The following BEST1 variants were observed in gnomAD, a reference collection of about 807,000 sequenced individuals.
The protein encoded by BEST1 is bestrophin-1.
In BEST1, 58 loss-of-function variants were observed where a neutral mutation model predicts 63.3. That is an observed-to-expected ratio of 0.92 (90% CI 0.74 to 1.14). The LOEUF is 1.14. Ranked by LOEUF, BEST1 falls within the 50% of genes most tolerant of loss-of-function variation. The probability of loss-of-function intolerance (pLI) is 0.00; values close to 1 mark genes in which losing one functional copy is unlikely to be tolerated. For missense variants in BEST1, 671 were observed against 740.1 expected (o/e 0.91, Z 1.08); for synonymous variants, 283 against 291.6 (o/e 0.97, Z 0.30).
chr11:61,959,578 G>T lies in BEST1; in HGVS notation c.948G>T (p.Gln316His), dbSNP rs1347134318. ...ACTGGATTGTCGACAGGAATTTGCA[G>T]GTATGGGGAGAGGGAGAGAAACCAT... ...ETNWIVDRNLQVSLLAVDEMH... is the reference protein window; with the variant it reads ...ETNWIVDRNLHVSLLAVDEMH... The change falls in exon 8 of 11, where the codon CAG (glutamine) becomes CAT (histidine). Residue 316 changes from glutamine (Q) to histidine (H), a missense_variant and splice_region_variant. Coordinates refer to ENST00000378043, the MANE Select transcript of BEST1 (RefSeq NM_004183.4). 2 of 1,614,014 alleles carry T rather than the reference G, an allele frequency of 1.2e-6. No homozygotes were observed. Among genetic ancestry groups the T allele is most frequent in the Admixed American group, 3.3e-5 (2 of 59,998 alleles).
intron 2 of BEST1, among the ~76,000 whole-genome samples, chr11:61,952,305 G>C (rs181639421): frequency 6.2e-4 from 1 of 1,622 alleles, no homozygotes; most frequent in Non-Finnish European, 1.9e-3. Flanking sequence ...CATTAAAAAA[G>C]AGAGAGAGAG....
chr11:61,955,147 CTG>C lies in BEST1; in HGVS notation c.194_195del (p.Leu65HisfsTer166). The C allele has an allele frequency of 6.2e-7, 1 of 1,611,694 alleles. No homozygotes were observed. The highest frequency in any genetic ancestry group is 1.3e-5 in the African/African-American group (1 of 75,034). ...TEEQQLMFEK[L>X]TLYCDSYIQL... is the part of the protein sequence containing the mutation. ...AGAACAACAGCTGATGTTTGAGAAA[CTG>C]ACTCTGTATTGCGACAGCTACATCC... is the stretch of plus-strand genomic sequence containing the variant. On this transcript the variant is annotated frameshift_variant, in exon 3 of 11. Coordinates refer to ENST00000378043, the MANE Select transcript of BEST1 (RefSeq NM_004183.4). LOFTEE classifies it high-confidence loss of function.
At chr11:61,956,688 C>T (rs906361415) in intron 4 of BEST1, among the ~76,000 whole-genome samples, 156 bp from the exon 5 acceptor site, 11 of 152,138 alleles carry the variant, frequency 7.2e-5, no homozygotes, top group African/African-American at 2.7e-4. Flanking sequence ...CCCACATGCT[C>T]AGCCCAGAAC....
At chr11:61,963,268 C>T in intron 10 of BEST1, 2 of 1,374,652 alleles carry the variant, frequency 1.5e-6, no homozygotes, top group Non-Finnish European at 1.9e-6. Context: ...GACCCAAAAC[C>T]ATGAGGTGGC....
In BEST1 at chr11:61,955,203, T is replaced by C. The variant is rs1277862868; in HGVS notation, c.247+2T>C. 1 of 1,614,078 alleles carries C rather than the reference T, an allele frequency of 6.2e-7. No homozygotes were observed. The highest frequency in any genetic ancestry group is 8.5e-7 in the Non-Finnish European group (1 of 1,179,994). ...TCATCCCCATTTCCTTCGTGCTGGGTGAGTTCCCCCTTCTGGCTGTTCCGG... is the reference window on the plus strand; with the variant it reads ...TCATCCCCATTTCCTTCGTGCTGGGCGAGTTCCCCCTTCTGGCTGTTCCGG... On this transcript the variant is annotated splice_donor_variant, in intron 3 of 10. Transcript: ENST00000378043. LOFTEE classifies it high-confidence loss of function.
At chr11:61,959,408 T>C in intron 7 of BEST1, 90 bp from the exon 8 acceptor site, 1 of 1,247,604 alleles carries the variant, frequency 8.0e-7, no homozygotes, top group Non-Finnish European at 1.2e-6. Flanking sequence ...CGTCATGGGG[T>C]GTGGAAATAG....
intron 8 of BEST1, 113 bp from the exon 9 acceptor site, chr11:61,959,779 G>T: frequency 6.7e-7 from 1 of 1,485,992 alleles, no homozygotes; most frequent in Non-Finnish European, 9.2e-7. Context: ...CATTTCACAG[G>T]CAGGGAAACT....
intron 10 of BEST1, chr11:61,963,362 G>A (rs1942278081): frequency 7.8e-7 from 1 of 1,278,020 alleles, no homozygotes; most frequent in African/African-American, 1.5e-5. Flanking sequence ...GGCAGGAACT[G>A]CCTCACTCCT....
chr11:61,955,588 C>T, intron 3 of BEST1, 130 bp from the exon 4 acceptor site: 1 of 1,156,092 alleles, frequency 8.6e-7, no homozygotes, highest in South Asian at 1.5e-5. Context: ...CGAGCGCCTT[C>T]CAGGAGGGCT....
rs754638659 is a variant in BEST1, at chr11:61,962,533, A to T, written c.1379A>T (p.Gln460Leu). 2 of 1,614,078 alleles carry T rather than the reference A, an allele frequency of 1.2e-6. No individual in the cohort carries two copies. Residue 460 changes from glutamine (Q) to leucine (L), a missense_variant, in exon 10 of 11, where the codon CAG becomes CTG. Gln to Leu is a moderately radical substitution (Grantham distance 113). Coordinates refer to ENST00000378043, the MANE Select transcript of BEST1 (RefSeq NM_004183.4). Reference sequence around the variant, plus strand: ...GCCTTCAAGTCTGCCCCACTGTATCAGAGGCCAGGCTACTACAGTGCCCCA... The same window carrying T: ...GCCTTCAAGTCTGCCCCACTGTATCTGAGGCCAGGCTACTACAGTGCCCCA... ...VDAFKSAPLY[Q>L]RPGYYSAPQT...
In BEST1 at chr11:61,962,674, C is replaced by T; in HGVS notation, c.1520C>T (p.Ser507Phe). Residue 507 changes from serine (S) to phenylalanine (F), a missense_variant, in exon 10 of 11, where the codon TCT becomes TTT. Physicochemically the swap from Ser to Phe is radical, Grantham distance 155. Transcript: ENST00000378043. The stretch of plus-strand genomic sequence containing the variant: ...GACAAAAGCTTAAAGACTGTGAGTT[C>T]TGGGGCCAAGAAAAGTTTTGAATTG... ...TKDKSLKTVS[S>F]GAKKSFELLS... 6.2e-7 allele frequency: 1 copy of T among 1,614,206 alleles called. No individual in the cohort carries two copies. Among genetic ancestry groups the T allele is most frequent in the Non-Finnish European group, 8.5e-7 (1 of 1,180,046 alleles).
Position 61,959,522 on chromosome 11 carries a change from T to G in BEST1, c.892T>G (p.Phe298Val). The G allele has an allele frequency of 6.2e-7, 1 of 1,614,140 alleles. No homozygotes were observed. The highest frequency in any genetic ancestry group is 8.5e-7 in the Non-Finnish European group (1 of 1,180,010). Residue 298 changes from phenylalanine to valine, a missense_variant, in exon 8 of 11, where the codon TTT (phenylalanine) becomes GTT (valine). Coordinates refer to ENST00000378043, the MANE Select transcript of BEST1 (RefSeq NM_004183.4). Reference sequence around the variant, plus strand: ...GGTGGCAGAGCAGCTCATCAACCCCTTTGGAGAGGATGATGATGATTTTGA... The same window carrying G: ...GGTGGCAGAGCAGCTCATCAACCCCGTTGGAGAGGATGATGATGATTTTGA... The part of the protein sequence containing the change: ...LKVAEQLINP[F>V]GEDDDDFETN...
intron 6 of BEST1, 29 bp from the exon 7 acceptor site, chr11:61,958,117 T>G (rs766478443): frequency 1.1e-6 from 1 of 903,182 alleles, no homozygotes; most frequent in Non-Finnish European, 1.5e-6. Flanking sequence ...ACCTAGCCCT[T>G]TGCTACCACA....
At chr11:61,956,016 G>T in intron 4 of BEST1, 65 bp downstream of exon 4, 1 of 1,460,592 alleles carries the variant, frequency 6.8e-7, no homozygotes, top group Non-Finnish European at 9.2e-7. Flanking sequence ...GGCGCGGCAG[G>T]AATGGAAGAT....
At chr11:61,960,332 C>G in intron 9 of BEST1, 1 of 523,598 alleles carries the variant, frequency 1.9e-6, no homozygotes, top group Non-Finnish European at 3.5e-6. Flanking sequence ...ATCAGTGATG[C>G]AGTGGAACGT....
chr11:61,958,060 C>T (rs1941582741), intron 6 of BEST1, 86 bp from the exon 7 acceptor site: 3 of 1,605,948 alleles, frequency 1.9e-6, no homozygotes, highest in Non-Finnish European at 2.5e-6. Context: ...CCTTGGTCTC[C>T]TGTCTCAGAC....
At chr11:61,958,769 C>T (rs1213304901) in intron 7 of BEST1, 1 of 342,756 alleles carries the variant, frequency 2.9e-6, no homozygotes, top group African/African-American at 2.1e-5. Context: ...ACCTCTTTAT[C>T]TTTCCTTCCT....
At position 61,959,399 on chromosome 11, in the gene BEST1, G is replaced by T. The variant is rs195158; in HGVS notation, c.868-99G>T. On this transcript the variant is annotated intron_variant, in intron 7 of 10. Coordinates refer to ENST00000378043, the MANE Select transcript of BEST1 (RefSeq NM_004183.4). Reference sequence around the variant, plus strand: ...AAGACAGTGGTCAGGCAGGAAGGGCGTCATGGGGTGTGGAAATAGCAGCAG... The same window carrying T: ...AAGACAGTGGTCAGGCAGGAAGGGCTTCATGGGGTGTGGAAATAGCAGCAG... 0.88 allele frequency: 1,048,903 copies of T among 1,187,432 alleles called. 468,471 individuals are homozygous for T. Among genetic ancestry groups the T allele is most frequent in the East Asian group, 0.98 (40,263 of 41,128 alleles). The allele number at this position is 1,187,432 out of a possible 1,614,324, so 73.6% of individuals were successfully genotyped here. A position where few individuals can be genotyped will look rare whatever the true frequency, so the allele number is the denominator to read the frequency against.
rs1286251991 is a variant in BEST1 at position 61,959,644 on chromosome 11, C to CACT, written c.948+67_948+69dup. 7.0e-6 allele frequency: 11 copies of CACT among 1,561,348 alleles called. No homozygotes were observed. In the African/African-American group the frequency reaches 1.2e-4, roughly 17 times the overall value. On this transcript the variant is annotated intron_variant, in intron 8 of 10. Coordinates refer to ENST00000378043, the MANE Select transcript of BEST1 (RefSeq NM_004183.4). ...CAAAGTGGACCCAAAGAGAGGACCC[C>CACT]ACTGTTCTGTAGGGAGGCCTCACAG...
Sources: allele counts gnomAD v4.1 joint callset (sites outside exome capture counted in the v4.1 genomes callset), GRCh38; gene constraint gnomAD v4.1.1; transcripts MANE v1.5; gene names NCBI Gene and HGNC (gene_info 2026-07-23, HGNC 2026-07-21).